KATNIP: variants seen among roughly 807,000 people sequenced by gnomAD.
KATNIP encodes the protein katanin-interacting protein.
Under a neutral mutation model 174.0 loss-of-function variants are expected in KATNIP, and 126 were observed. That is an observed-to-expected ratio of 0.72 (90% CI 0.63 to 0.84). The LOEUF (loss-of-function observed/expected upper bound fraction) is 0.84. Ranked by LOEUF, KATNIP falls within the 40% of genes least tolerant of loss-of-function variation. KATNIP has a pLI of 0.00. For missense variants in KATNIP, 1,958 were observed against 2,109.7 expected (o/e 0.93, Z 1.41); for synonymous variants, 810 against 835.7 (o/e 0.97, Z 0.53).
chr16:27,641,897 T>C (rs1435226110), intron 5 of KATNIP, among the ~76,000 whole-genome samples: 1 of 152,210 alleles, frequency 6.6e-6, no homozygotes, highest in Non-Finnish European at 1.5e-5. Flanking sequence ...GGCCGCACCC[T>C]AGGCCCTGGC....
At chr16:27,701,726 C>A in intron 11 of KATNIP, 31 bp downstream of exon 11, 1 of 1,489,900 alleles carries the variant, frequency 6.7e-7, no homozygotes, top group Non-Finnish European at 9.2e-7. Flanking sequence ...AAACCCGAAA[C>A]CCCTTAGCAG....
Position 27,648,603 on chromosome 16 carries a change from G to A in KATNIP, c.409-1G>A. 1 of 1,613,984 alleles carries A rather than the reference G, an allele frequency of 6.2e-7. No homozygotes were observed. ...CTGAAATGGCCTGCATTTTTGTACA[G>A]AAATCTGTGCAGATCAGAACAGAAG... On this transcript the variant is annotated splice_acceptor_variant, in intron 5 of 27. Transcript: ENST00000261588. LOFTEE classifies it high-confidence loss of function.
intron 1 of KATNIP, among the ~76,000 whole-genome samples, chr16:27,562,812 G>GA (rs1029192653): frequency 6.6e-5 from 10 of 151,782 alleles, no homozygotes; most frequent in South Asian, 6.2e-4. Context: ...ATTTCAAATG[G>GA]AAAAAAAATC....
intron 1 of KATNIP, among the ~76,000 whole-genome samples, chr16:27,552,489 C>A (rs1310374537): frequency 1.3e-5 from 2 of 151,366 alleles, no homozygotes; most frequent in East Asian, 1.9e-4. Context: ...ATTCTCCTGC[C>A]TCAACCTCCC....
intron 2 of KATNIP, among the ~76,000 whole-genome samples, chr16:27,590,358 A>G (rs1376071050): frequency 1.3e-5 from 2 of 149,130 alleles, no homozygotes; most frequent in Non-Finnish European, 3.0e-5. Flanking sequence ...TTTTATTTAT[A>G]GAGAAGGTGT....
intron 5 of KATNIP, among the ~76,000 whole-genome samples, chr16:27,631,581 G>C (rs1332827270): frequency 6.6e-6 from 1 of 151,896 alleles, no homozygotes; most frequent in Non-Finnish European, 1.5e-5. Context: ...GGAGTAGGTG[G>C]GTCTGGCTGG....
chr16:27,771,812 G>C (rs1308911321), intron 22 of KATNIP, among the ~76,000 whole-genome samples, 160 bp downstream of exon 22: 1 of 152,182 alleles, frequency 6.6e-6, no homozygotes, highest in East Asian at 1.9e-4. Flanking sequence ...GGTCCTCAGG[G>C]CCACTAGGAG....
chr16:27,766,288 G>A (rs749305453), intron 19 of KATNIP, 21 bp from the exon 20 acceptor site: 34 of 1,612,214 alleles, frequency 2.1e-5, no homozygotes, highest in Admixed American at 1.5e-4. Context: ...CCCCCCTGCC[G>A]CTCCGTCCCC....
At chr16:27,614,088 T>TC (rs970685183) in intron 2 of KATNIP, among the ~76,000 whole-genome samples, 4 of 151,824 alleles carry the variant, frequency 2.6e-5, no homozygotes, top group African/African-American at 9.7e-5. Context: ...CTATTTTTTT[T>TC]TTTTTCCAAG....
intron 27 of KATNIP, 131 bp from the exon 28 acceptor site, chr16:27,778,443 C>G (rs1231473866): frequency 1.2e-6 from 1 of 855,668 alleles, no homozygotes; most frequent in African/African-American, 1.7e-5. Flanking sequence ...TGCCAGGCGC[C>G]CCGAGAGCAG....
chr16:27,664,049 C>T (rs1196186900), intron 6 of KATNIP, among the ~76,000 whole-genome samples: 1 of 152,086 alleles, frequency 6.6e-6, no homozygotes, highest in Non-Finnish European at 1.5e-5. Context: ...TGGCCTTGAG[C>T]AGTCCTCCCA....
intron 18 of KATNIP, among the ~76,000 whole-genome samples, chr16:27,759,893 G>A (rs993482373): frequency 1.3e-5 from 2 of 152,228 alleles, no homozygotes; most frequent in African/African-American, 2.4e-5. Flanking sequence ...GCACGTGAAT[G>A]ATGCGGCGAG....
At chr16:27,573,644 A>C (rs2090382756) in intron 1 of KATNIP, among the ~76,000 whole-genome samples, 1 of 152,260 alleles carries the variant, frequency 6.6e-6, no homozygotes, top group East Asian at 1.9e-4. Flanking sequence ...CAGAGTACAG[A>C]TAATGTTCCA....
intron 12 of KATNIP, among the ~76,000 whole-genome samples, chr16:27,704,801 CAT>C (rs2142996228): frequency 6.6e-6 from 1 of 152,082 alleles, no homozygotes; most frequent in East Asian, 1.9e-4. Context: ...AAGATGTGGC[CAT>C]ATGAGTGTGT....
rs114674089 is a variant in KATNIP at position 27,766,984 on chromosome 16, C to T, written c.3975+510C>T. Among the ~76,000 whole-genome samples, 986 of 152,240 alleles carry T rather than the reference C, an allele frequency of 6.5e-3. 13 individuals are homozygous for T. Among genetic ancestry groups the T allele is most frequent in the African/African-American group, 0.023 (943 of 41,536 alleles). ...GACCTGGAGCCCACATTGTGATTTC[C>T]GTGTGATGTTTTGCTGAGTGAGAAG... is the stretch of plus-strand genomic sequence containing the variant. On this transcript the variant is annotated intron_variant, in intron 20 of 27. Coordinates refer to ENST00000261588, the MANE Select transcript of KATNIP (RefSeq NM_015202.5).
intron 1 of KATNIP, among the ~76,000 whole-genome samples, chr16:27,566,617 C>T (rs1043936897): frequency 6.6e-6 from 1 of 152,018 alleles, no homozygotes; most frequent in Non-Finnish European, 1.5e-5. Context: ...ACTGGAAGAA[C>T]GGTGTGCAGG....
At chr16:27,597,397 CTTTTCTTTTTTTTT>C (rs1268125756) in intron 2 of KATNIP, among the ~76,000 whole-genome samples, 1 of 33,498 alleles carries the variant, frequency 3.0e-5, no homozygotes, top group East Asian at 1.2e-3. Context: ...AATGTATTTT[CTTTTCTTTTTTTTT>C]TTTTTTTTTT....
intron 8 of KATNIP, among the ~76,000 whole-genome samples, chr16:27,694,761 A>C (rs1597194862): frequency 6.6e-6 from 1 of 151,924 alleles, no homozygotes; most frequent in Admixed American, 6.6e-5. Context: ...GTGCCACTGC[A>C]CTCCAGCCTG....
intron 5 of KATNIP, among the ~76,000 whole-genome samples, chr16:27,633,643 A>T (rs2076556021): frequency 6.6e-6 from 1 of 152,070 alleles, no homozygotes; most frequent in Admixed American, 6.6e-5. Context: ...ACTACCACAT[A>T]CGATTTCACA....
Sources: gnomAD v4.1 joint callset for allele counts (sites outside exome capture counted in the v4.1 genomes callset) on GRCh38, gnomAD v4.1.1 for gene constraint, MANE v1.5 for transcripts, NCBI Gene and HGNC (gene_info 2026-07-23, HGNC 2026-07-21) for gene names.